The following PRKACB variants were observed in gnomAD, a reference collection of about 807,000 sequenced individuals.
PRKACB encodes the protein protein kinase cAMP-activated catalytic subunit beta, also known as cAMP-dependent protein kinase catalytic subunit beta.
PRKACB carries 16 observed loss-of-function variants against 51.4 expected under a neutral mutation model. That is an observed-to-expected ratio of 0.31 (90% CI 0.21 to 0.47). The LOEUF is 0.47. Ranked by LOEUF, PRKACB falls within the 20% of genes least tolerant of loss-of-function variation. The pLI, the probability that PRKACB is intolerant of heterozygous loss-of-function variation, is 1.00. For synonymous variants in PRKACB, 147 were observed against 154.4 expected (o/e 0.95, Z 0.35); for missense variants, 309 against 464.5 (o/e 0.67, Z 3.08).
At chr1:84,145,627 A>G (rs1422717904) in intron 1 of PRKACB, among the ~76,000 whole-genome samples, 1 of 152,062 alleles carries the variant, frequency 6.6e-6, no homozygotes, top group Non-Finnish European at 1.5e-5. Context: ...GAGGAAGAAC[A>G]TGTATTTGTG....
intron 4 of PRKACB, among the ~76,000 whole-genome samples, chr1:84,184,869 A>G (rs965292634): frequency 6.6e-6 from 1 of 151,926 alleles, no homozygotes; most frequent in Non-Finnish European, 1.5e-5. Flanking sequence ...TGTTCTCTGC[A>G]AGAAAAGGAA....
chr1:84,186,311 T>C (rs1351435796), intron 5 of PRKACB, among the ~76,000 whole-genome samples: 1 of 152,094 alleles, frequency 6.6e-6, no homozygotes, highest in African/African-American at 2.4e-5. Flanking sequence ...CTCTGCCTCC[T>C]GGGTTCCAGT....
chr1:84,126,900 A>G (rs1424537332), intron 1 of PRKACB, among the ~76,000 whole-genome samples: 2 of 152,150 alleles, frequency 1.3e-5, no homozygotes, highest in Non-Finnish European at 2.9e-5. Flanking sequence ...CCACAACCTC[A>G]GTTCAGGTAT....
chr1:84,208,161 A>G (rs1333257549), intron 8 of PRKACB, among the ~76,000 whole-genome samples: 1 of 152,188 alleles, frequency 6.6e-6, no homozygotes, highest in East Asian at 1.9e-4. Flanking sequence ...AAGTCAGTAA[A>G]CTAGATAGTG....
chr1:84,129,162 G>A (rs2100546435), intron 1 of PRKACB, among the ~76,000 whole-genome samples: 1 of 152,078 alleles, frequency 6.6e-6, no homozygotes, highest in Non-Finnish European at 1.5e-5. Context: ...TTTTTATGTT[G>A]AATAGTAAGA....
rs1676786021 is a variant in PRKACB, at chr1:84,237,795, G to T, written c.*2490G>T. 6.6e-6 allele frequency: 1 copy of T among 152,146 alleles called. No individual in the cohort carries two copies. The highest frequency in any genetic ancestry group is 1.5e-5 in the Non-Finnish European group (1 of 67,980). 9.4% of individuals were successfully genotyped at this position (152,146 alleles called of 1,614,324 possible). A position where few individuals can be genotyped will look rare whatever the true frequency, so the allele number is the denominator to read the frequency against. The stretch of plus-strand genomic sequence containing the variant: ...GTAAATAATTAAGAGATGGCATTGT[G>T]TAAGAAGGAGCCCTAGACTGAAAGT... On this transcript the variant is annotated 3_prime_UTR_variant, in exon 10 of 10. Transcript: ENST00000370685.
intron 1 of PRKACB, among the ~76,000 whole-genome samples, chr1:84,135,020 G>A (rs943241852): frequency 3.3e-5 from 5 of 152,076 alleles, no homozygotes; most frequent in African/African-American, 4.8e-5. Context: ...TGCATTGTCT[G>A]TAAGAAACTC....
intron 1 of PRKACB, among the ~76,000 whole-genome samples, chr1:84,131,208 T>C (rs977030841): frequency 6.6e-6 from 1 of 151,924 alleles, no homozygotes; most frequent in Non-Finnish European, 1.5e-5. Flanking sequence ...AAATACAAAA[T>C]TAGGTAGTCG....
chr1:84,160,425 A>G (rs987503340), intron 1 of PRKACB, among the ~76,000 whole-genome samples: 1 of 150,586 alleles, frequency 6.6e-6, no homozygotes, highest in African/African-American at 2.4e-5. Context: ...TCTGTAATTA[A>G]TATCTTCTGT....
chr1:84,235,137 T>A (rs41293017), intron 9 of PRKACB, 43 bp from the exon 10 acceptor site: 1 of 1,569,106 alleles, frequency 6.4e-7, no homozygotes, highest in Admixed American at 2.0e-5. Flanking sequence ...TCTCAGGAAT[T>A]TTTTTTTCCT....
intron 1 of PRKACB, among the ~76,000 whole-genome samples, chr1:84,089,269 A>G (rs959446624): frequency 6.6e-6 from 1 of 152,126 alleles, no homozygotes; most frequent in Non-Finnish European, 1.5e-5. Flanking sequence ...TCAGTAATGT[A>G]TTGACTATTT....
At chr1:84,234,235 G>T in intron 9 of PRKACB, among the ~76,000 whole-genome samples, 1 of 152,200 alleles carries the variant, frequency 6.6e-6, no homozygotes, top group South Asian at 2.1e-4. Flanking sequence ...CAGGGGTCAG[G>T]GGTCAGGGAC....
At chr1:84,205,042 A>G in intron 8 of PRKACB, 4 of 982,892 alleles carry the variant, frequency 4.1e-6, no homozygotes, top group Non-Finnish European at 4.8e-6. Context: ...AAACCTTATT[A>G]TATCACAATA....
chr1:84,103,135 A>G (rs549690119), intron 1 of PRKACB, among the ~76,000 whole-genome samples: 1 of 152,326 alleles, frequency 6.6e-6, no homozygotes, highest in African/African-American at 2.4e-5. Flanking sequence ...GGAGTAAAGT[A>G]TATTTTGAAA....
chr1:84,197,377 T>C (rs1037502020), intron 6 of PRKACB, among the ~76,000 whole-genome samples: 1 of 152,152 alleles, frequency 6.6e-6, no homozygotes, highest in African/African-American at 2.4e-5. Context: ...AGAGGACACA[T>C]TGGGGTAAGG....
At chr1:84,126,694 C>T (rs1261665534) in intron 1 of PRKACB, among the ~76,000 whole-genome samples, 2 of 152,064 alleles carry the variant, frequency 1.3e-5, no homozygotes, top group African/African-American at 4.8e-5. Flanking sequence ...CCAGTATTTC[C>T]CCGCCTCCTG....
chr1:84,206,433 C>T (rs943593283), intron 8 of PRKACB, among the ~76,000 whole-genome samples: 2 of 152,108 alleles, frequency 1.3e-5, no homozygotes, highest in African/African-American at 4.8e-5. Context: ...ATTCAGCATA[C>T]AGTGGTACTT....
chr1:84,090,286 C>T (rs184096675), intron 1 of PRKACB, among the ~76,000 whole-genome samples: 182 of 152,298 alleles, frequency 1.2e-3, no homozygotes, highest in Non-Finnish European at 2.1e-3. Context: ...ACCCCTTTAA[C>T]TTCTTCCTAT....
chr1:84,094,555 G>A (rs1242039405), intron 1 of PRKACB, among the ~76,000 whole-genome samples: 2 of 151,854 alleles, frequency 1.3e-5, no homozygotes, highest in Non-Finnish European at 2.9e-5. Context: ...ACTGTGTTCA[G>A]AGAACATGTT....
Sources: allele counts gnomAD v4.1 joint callset (sites outside exome capture counted in the v4.1 genomes callset), GRCh38; gene constraint gnomAD v4.1.1; transcripts MANE v1.5; gene names NCBI Gene and HGNC (gene_info 2026-07-23, HGNC 2026-07-21).